The following CRACDL variants were observed in gnomAD, a reference collection of about 807,000 sequenced individuals.
The protein encoded by CRACDL is CRACD-like protein.
A neutral mutation model predicts 70.6 loss-of-function variants in CRACDL; 26 were observed. The observed-to-expected ratio is 0.37, with a 90% CI of 0.27 to 0.51. The LOEUF (loss-of-function observed/expected upper bound fraction) is 0.51, where lower values mean the gene tolerates loss of function less well. Ranked by LOEUF, CRACDL falls within the 20% of genes least tolerant of loss-of-function variation. CRACDL has a pLI of 0.94. For synonymous variants in CRACDL, 618 were observed against 615.2 expected, an observed-to-expected ratio of 1.00 and a Z score of -0.07; for missense variants, 1,283 against 1,376.9, an observed-to-expected ratio of 0.93 and a Z score of 1.08.
At position 98,832,983 on chromosome 2, in the gene CRACDL, G is replaced by A. The variant is rs754685361; in HGVS notation, c.254C>T (p.Thr85Met). The A allele has an allele frequency of 5.0e-6, 8 of 1,613,244 alleles. No individual in the cohort carries two copies. The East Asian group carries it at 6.7e-5, about 13-fold the overall frequency. The stretch of plus-strand genomic sequence containing the variant: ...GTGAGAAAGGGCCCGGCTGCCCAGC[G>A]TGCCCCTCGACTCCCTAGGATAAAA... ...SEDELEESRGTLGSRALSHDS... is the reference protein window; with the variant it reads ...SEDELEESRGMLGSRALSHDS... The change falls in exon 4 of 10, where the codon ACG becomes ATG. Residue 85 changes from threonine to methionine, a missense_variant. Physicochemically the swap from Thr to Met is moderately conservative, Grantham distance 81. Around this residue, in one of 2 missense-constraint regions of CRACDL, gnomAD observed 362 missense variants for 495.0 expected, o/e 0.73. Transcript: ENST00000397899.
intron 7 of CRACDL, among the ~76,000 whole-genome samples, chr2:98,821,257 G>C (rs1705014669): frequency 6.6e-6 from 1 of 152,162 alleles, no homozygotes; most frequent in Admixed American, 6.5e-5. Context: ...CACCATCATA[G>C]TTCACTGCAG....
At chr2:98,835,003 G>A (rs1315086058) in intron 3 of CRACDL, among the ~76,000 whole-genome samples, 1 of 152,134 alleles carries the variant, frequency 6.6e-6, no homozygotes, top group African/African-American at 2.4e-5. Context: ...ACAGTGTGCA[G>A]AAAAGTATTT....
chr2:98,899,452 A>G (rs1708209166), intron 1 of CRACDL, among the ~76,000 whole-genome samples: 1 of 152,176 alleles, frequency 6.6e-6, no homozygotes, highest in South Asian at 2.1e-4. Flanking sequence ...AGCAGGTGCC[A>G]AGTGGACAGC....
At chr2:98,900,085 G>C (rs1472228292) in intron 1 of CRACDL, among the ~76,000 whole-genome samples, 1 of 121,922 alleles carries the variant, frequency 8.2e-6, no homozygotes, top group Admixed American at 8.4e-5. Flanking sequence ...ATGGACAGAG[G>C]CTCAGCAGGA....
rs548988640 is a variant in CRACDL at position 98,891,376 on chromosome 2, C to CAAAAAAAAAAAAAAAAAAAAAAA, written c.-11+44539_-11+44561dup. Reference sequence around the variant, plus strand: ...TGGGTGACAGAGGGAGACTCCGTCTCAAAAAAAAAAAAAAAAAAAAAAAAA... The same window carrying CAAAAAAAAAAAAAAAAAAAAAAA: ...TGGGTGACAGAGGGAGACTCCGTCTCAAAAAAAAAAAAAAAAAAAAAAAAAAAAAAAAAAAAAAAAAAAAAAAA... On this transcript the variant is annotated intron_variant, in intron 1 of 9. Coordinates refer to ENST00000397899, the MANE Select transcript of CRACDL (RefSeq NM_207362.3). 4.5e-4 allele frequency among the ~76,000 whole-genome samples: 17 copies of CAAAAAAAAAAAAAAAAAAAAAAA among 37,900 alleles called. 1 individual carries two copies. Among genetic ancestry groups the CAAAAAAAAAAAAAAAAAAAAAAA allele is most frequent in the Middle Eastern group, 0.019 (1 of 54 alleles). The allele number at this position is 37,900 out of a possible 152,430, so 24.9% of individuals were successfully genotyped here. A position where few individuals can be genotyped will look rare whatever the true frequency, so the allele number is the denominator to read the frequency against.
At chr2:98,840,142 G>A (rs990866417) in intron 2 of CRACDL, among the ~76,000 whole-genome samples, 5 of 151,996 alleles carry the variant, frequency 3.3e-5, no homozygotes, top group Non-Finnish European at 7.4e-5. Flanking sequence ...TAATATTTAA[G>A]GCAATGCATT....
intron 1 of CRACDL, among the ~76,000 whole-genome samples, chr2:98,896,880 G>A (rs550544283): frequency 6.6e-6 from 1 of 152,308 alleles, no homozygotes; most frequent in Admixed American, 6.5e-5. Context: ...TAGAAACTAA[G>A]AACCCATGAC....
chr2:98,927,910 G>A (rs758758921), intron 1 of CRACDL, among the ~76,000 whole-genome samples: 2 of 151,696 alleles, frequency 1.3e-5, no homozygotes, highest in African/African-American at 2.4e-5. Flanking sequence ...GCCAGGTGCA[G>A]TGGCTCATGC....
At chr2:98,852,213 C>G (rs1321889367) in intron 1 of CRACDL, among the ~76,000 whole-genome samples, 2 of 152,086 alleles carry the variant, frequency 1.3e-5, no homozygotes, top group African/African-American at 2.4e-5. Flanking sequence ...ATTCTTGGCT[C>G]CCCTCCCCTG....
intron 1 of CRACDL, among the ~76,000 whole-genome samples, chr2:98,914,722 C>T (rs780329017): frequency 1.9e-4 from 29 of 152,330 alleles, no homozygotes; most frequent in Non-Finnish European, 2.2e-4. Flanking sequence ...ACAGACCCCT[C>T]CATCAGTGTC....
rs1173322192 is a variant in CRACDL at position 98,866,475 on chromosome 2, CTTTTTTTTTTTTTT to C, written c.-10-19679_-10-19666del. On this transcript the variant is annotated intron_variant, in intron 1 of 9. Coordinates refer to ENST00000397899, the MANE Select transcript of CRACDL (RefSeq NM_207362.3). ...CTGATAGATGAAACAATCACTTCTT[CTTTTTTTTTTTTTT>C]TTTTTTTTTTTTTTTGAGACAGAGT... is the stretch of plus-strand genomic sequence containing the variant. 4.4e-3 allele frequency among the ~76,000 whole-genome samples: 191 copies of C among 43,274 alleles called. 1 individual carries two copies. The highest frequency in any genetic ancestry group is 0.019 in the African/African-American group (188 of 10,004). 28.4% of individuals were successfully genotyped at this position (43,274 alleles called of 152,430 possible).
chr2:98,911,575 C>T (rs1286478631), intron 1 of CRACDL, among the ~76,000 whole-genome samples: 1 of 152,174 alleles, frequency 6.6e-6, no homozygotes, highest in Non-Finnish European at 1.5e-5. Context: ...GTCAGGGGTG[C>T]CAGTGCCAGG....
At chr2:98,858,757 A>G (rs1176886293) in intron 1 of CRACDL, among the ~76,000 whole-genome samples, 2 of 152,128 alleles carry the variant, frequency 1.3e-5, no homozygotes, top group Non-Finnish European at 2.9e-5. Flanking sequence ...ACTAACCAAG[A>G]GTAAAAGAGA....
intron 1 of CRACDL, among the ~76,000 whole-genome samples, chr2:98,900,457 C>T (rs1207039680): frequency 6.6e-6 from 1 of 151,884 alleles, no homozygotes; most frequent in Non-Finnish European, 1.5e-5. Flanking sequence ...ACCCCTGTGG[C>T]AGAGGCAGGC....
intron 1 of CRACDL, among the ~76,000 whole-genome samples, chr2:98,890,814 T>G (rs992039992): frequency 6.6e-6 from 1 of 152,158 alleles, no homozygotes; most frequent in African/African-American, 2.4e-5. Context: ...CCCAGCACAT[T>G]GGGAGGCCGA....
intron 1 of CRACDL, among the ~76,000 whole-genome samples, chr2:98,902,144 C>T (rs540991208): frequency 2.6e-5 from 4 of 152,182 alleles, no homozygotes; most frequent in African/African-American, 4.8e-5. Context: ...GGAAACAGCT[C>T]GCAAATGAGA....
chr2:98,812,811 G>T (rs1323154173), intron 7 of CRACDL, among the ~76,000 whole-genome samples: 1 of 151,688 alleles, frequency 6.6e-6, no homozygotes, highest in Non-Finnish European at 1.5e-5. Flanking sequence ...GCAGTTTGTA[G>T]TTTGTCTTTT....
intron 1 of CRACDL, among the ~76,000 whole-genome samples, chr2:98,855,046 T>A (rs1056953111): frequency 1.3e-5 from 2 of 152,208 alleles, no homozygotes; most frequent in Admixed American, 1.3e-4. Flanking sequence ...TCCCAACACT[T>A]TGGGAGCCCA....
rs181214102 is a variant in CRACDL at position 98,922,551 on chromosome 2, C to T, written c.-11+13387G>A. ...CACTGTGCCCCCTGTGCCCAGTGGG[C>T]CAGCTGGCCTGGACCTGCCATGAGC... is the stretch of plus-strand genomic sequence containing the variant. On this transcript the variant is annotated intron_variant, in intron 1 of 9. Coordinates refer to ENST00000397899, the MANE Select transcript of CRACDL (RefSeq NM_207362.3). 3.8e-3 allele frequency among the ~76,000 whole-genome samples: 572 copies of T among 152,304 alleles called. 4 individuals carry two copies. Among genetic ancestry groups the T allele is most frequent in the Non-Finnish European group, 6.5e-3 (443 of 68,004 alleles).
Sources: allele counts gnomAD v4.1 joint callset (sites outside exome capture counted in the v4.1 genomes callset), GRCh38; gene constraint gnomAD v4.1.1; regional missense constraint gnomAD v4.1.1; transcripts MANE v1.5; gene names NCBI Gene and HGNC (gene_info 2026-07-23, HGNC 2026-07-21).